Variants in TAF1L observed in about 807,000 individuals in gnomAD.
The protein encoded by TAF1L is transcription initiation factor TFIID subunit 1-like.
A neutral mutation model predicts 128.8 loss-of-function variants in TAF1L; 30 were observed. The ratio of observed to expected loss-of-function variants is 0.23; its 90% confidence interval spans 0.17 to 0.32. The LOEUF (loss-of-function observed/expected upper bound fraction) is 0.32, where lower values mean the gene tolerates loss of function less well. Among genes scored for constraint, TAF1L ranks in the 10% least tolerant of loss-of-function variants. TAF1L has a pLI of 1.00. For synonymous variants in TAF1L, 764 were observed against 790.7 expected, an observed-to-expected ratio of 0.97 and a Z score of 0.57; for missense variants, 2,099 against 2,253.7, an observed-to-expected ratio of 0.93 and a Z score of 1.39.
Position 32,632,949 on chromosome 9 carries a change from A to G in TAF1L, c.2631T>C (p.Asp877=), listed in dbSNP as rs761229581. The part of the protein sequence containing the change: ...LCADFKRTGM[D]SNWWVLKSDF... ...CAGACTTAAGCACCCACCAGTTTGAATCCATCCCTGTGCGTTTGAAGTCAG... is the reference window on the plus strand; with the variant it reads ...CAGACTTAAGCACCCACCAGTTTGAGTCCATCCCTGTGCGTTTGAAGTCAG... The change falls in exon 1 of 1, where the codon GAT becomes GAC. Residue 877 remains aspartate, a synonymous_variant. Transcript: ENST00000242310. The surrounding 1 kb of genome is among the most constrained non-coding windows in gnomAD (Gnocchi z 4.4). 1 of 1,614,116 alleles carries G rather than the reference A, an allele frequency of 6.2e-7. No individual in the cohort carries two copies. The highest frequency in any genetic ancestry group is 1.1e-5 in the South Asian group (1 of 91,078).
rs1822513638 is a variant in TAF1L at position 32,631,285 on chromosome 9, A to T, written c.4295T>A (p.Val1432Asp). ...HPFHTPVNAK[V>D]VKDYYKIITR... is the part of the protein sequence containing the mutation. ...GATGATTTTGTAGTAGTCCTTTACA[A>T]CCTTTGCATTGACTGGAGTGTGGAA... The change falls in exon 1 of 1, where the codon GTT becomes GAT. Residue 1432 changes from valine (V) to aspartate (D), a missense_variant. Val to Asp is a radical substitution (Grantham distance 152). This residue lies in a region of TAF1L where 1,213 missense variants were observed against 1,391.4 expected (regional missense o/e 0.87). Transcript: ENST00000242310. The surrounding 1 kb of genome is among the most constrained non-coding windows in gnomAD (Gnocchi z 4.1). 8 of 1,614,110 alleles carry T rather than the reference A, an allele frequency of 5.0e-6. No individual in the cohort carries two copies. In the East Asian group the frequency reaches 1.8e-4, roughly 36 times the overall value.
chr9:32,630,370 G>C lies in TAF1L; in HGVS notation c.5210C>G (p.Pro1737Arg). The C allele has an allele frequency of 1.9e-6, 3 of 1,614,156 alleles. No individual in the cohort carries two copies. Among genetic ancestry groups the C allele is most frequent in the Non-Finnish European group, 2.5e-6 (3 of 1,180,036 alleles). ...EEDGKPKPPA[P>R]EGGDGDLADE... ...TGCAAGATCACCATCTCCCCCTTCTGGGGCTGGAGGCTTAGGTTTCCCATC... is the reference window on the plus strand; with the variant it reads ...TGCAAGATCACCATCTCCCCCTTCTCGGGCTGGAGGCTTAGGTTTCCCATC... The change falls in exon 1 of 1, where the codon CCA (proline) becomes CGA (arginine). Residue 1737 changes from proline to arginine, a missense_variant. Transcript: ENST00000242310.
chr9:32,633,109 T>C lies in TAF1L; in HGVS notation c.2471A>G (p.Asp824Gly), dbSNP rs2119086615. 3 of 1,614,172 alleles carry C rather than the reference T, an allele frequency of 1.9e-6. No homozygotes were observed. Among genetic ancestry groups the C allele is most frequent in the East Asian group, 2.2e-5 (1 of 44,888 alleles). Residue 824 changes from aspartate (D) to glycine (G), a missense_variant, in exon 1 of 1, where the codon GAC becomes GGC. Around this residue, in one of 4 missense-constraint regions of TAF1L, gnomAD observed 1,213 missense variants for 1,391.4 expected, o/e 0.87. Coordinates refer to ENST00000242310, the MANE Select transcript of TAF1L (RefSeq NM_153809.2). ...GCGGTAAATAAAAACCTGTAGAAAG[T>C]CTCGAATATGCATATTGGCCCTTCT... The part of the protein sequence containing the change: ...NSRRANMHIR[D>G]FLQVFIYRLF...
rs773463685 is a variant in TAF1L, at chr9:32,635,534, T to C, written c.46A>G (p.Thr16Ala). Reference sequence around the variant, plus strand: ...TCCGAGTCTGACATGATGGCGGCAGTGACGGTAGCTGCTGCCCTCAGCAGC... The same window carrying C: ...TCCGAGTCTGACATGATGGCGGCAGCGACGGTAGCTGCTGCCCTCAGCAGC... ...DLLLRAAATV[T>A]AAIMSDSDSE... is the part of the protein sequence containing the mutation. The change falls in exon 1 of 1, where the codon ACT (threonine) becomes GCT (alanine). Residue 16 changes from threonine to alanine, a missense_variant. Thr to Ala is a moderately conservative substitution (Grantham distance 58). Around this residue, in one of 4 missense-constraint regions of TAF1L, gnomAD observed 473 missense variants for 429.6 expected, o/e 1.10. Coordinates refer to ENST00000242310, the MANE Select transcript of TAF1L (RefSeq NM_153809.2). The C allele has an allele frequency of 1.2e-5, 19 of 1,613,980 alleles. No individual in the cohort carries two copies. The highest frequency in any genetic ancestry group is 1.4e-5 in the Non-Finnish European group (16 of 1,180,006).
In TAF1L at chr9:32,631,629, C is replaced by CTCT; in HGVS notation, c.3948_3950dup (p.Glu1317dup). 1 of 1,614,200 alleles carries CTCT rather than the reference C, an allele frequency of 6.2e-7. No homozygotes were observed. The highest frequency in any genetic ancestry group is 8.5e-7 in the Non-Finnish European group (1 of 1,180,032). On this transcript the variant is annotated inframe_insertion, in exon 1 of 1. Coordinates refer to ENST00000242310, the MANE Select transcript of TAF1L (RefSeq NM_153809.2). The surrounding 1 kb of genome is among the most constrained non-coding windows in gnomAD (Gnocchi z 4.1). ...CTGTCTTTTCCAACTCCTCCTCCTGCTCTTCTGTCATGGCAACAGGTTTCG... is the reference window on the plus strand; with the variant it reads ...CTGTCTTTTCCAACTCCTCCTCCTGCTCTTCTTCTGTCATGGCAACAGGTTTCG...
chr9:32,632,339 A>G lies in TAF1L; in HGVS notation c.3241T>C (p.Tyr1081His). 6.2e-7 allele frequency: 1 copy of G among 1,614,214 alleles called. No homozygotes were observed. Among genetic ancestry groups the G allele is most frequent in the South Asian group, 1.1e-5 (1 of 91,086 alleles). The part of the protein sequence containing the change: ...RFSVAEHQER[Y>H]KEECQRIFDL... ...AAGATACGCTGACATTCCTCTTTGT[A>G]ACGCTCTTGATGCTCAGCCACAGAA... is the stretch of plus-strand genomic sequence containing the variant. The change falls in exon 1 of 1, where the codon TAC becomes CAC. Residue 1081 changes from tyrosine (Y) to histidine (H), a missense_variant. By Grantham distance (83) the Tyr-to-His change is moderately conservative (BLOSUM62 2). Around this residue, in one of 4 missense-constraint regions of TAF1L, gnomAD observed 1,213 missense variants for 1,391.4 expected, o/e 0.87. Transcript: ENST00000242310. This position sits in a 1 kb window ranked among gnomAD's most constrained non-coding sequence, Gnocchi z 4.4.
rs959223349 is a variant in TAF1L at position 32,631,561 on chromosome 9, G to A, written c.4019C>T (p.Thr1340Ile). The A allele has an allele frequency of 1.9e-6, 3 of 1,614,090 alleles. No homozygotes were observed. Among genetic ancestry groups the A allele is most frequent in the Non-Finnish European group, 1.7e-6 (2 of 1,180,022 alleles). Residue 1340 changes from threonine (T) to isoleucine (I), a missense_variant, in exon 1 of 1, where the codon ACC becomes ATC. Physicochemically the swap from Thr to Ile is moderately conservative, Grantham distance 89. Coordinates refer to ENST00000242310, the MANE Select transcript of TAF1L (RefSeq NM_153809.2). This position sits in a 1 kb window ranked among gnomAD's most constrained non-coding sequence, Gnocchi z 4.1. ...TAGCTGTTTCCCGAAGACAATTTTGGTCCCTTCAACCTTGATAAGTTCTTC... is the reference window on the plus strand; with the variant it reads ...TAGCTGTTTCCCGAAGACAATTTTGATCCCTTCAACCTTGATAAGTTCTTC... ...DNEELIKVEG[T>I]KIVFGKQLIE...
Position 32,629,878 on chromosome 9 carries a change from C to T in TAF1L, c.*221G>A, listed in dbSNP as rs148667770. 1.8e-5 allele frequency: 15 copies of T among 830,048 alleles called. No homozygotes were observed. Among genetic ancestry groups the T allele is most frequent in the African/African-American group, 5.2e-5 (3 of 57,730 alleles). 51.4% of individuals were successfully genotyped at this position (830,048 alleles called of 1,614,324 possible). A position where few individuals can be genotyped will look rare whatever the true frequency, so the allele number is the denominator to read the frequency against. On this transcript the variant is annotated 3_prime_UTR_variant, in exon 1 of 1. Coordinates refer to ENST00000242310, the MANE Select transcript of TAF1L (RefSeq NM_153809.2). ...TTCGACATGTTGGCCAAGCTGGTCTCGAACTGACCTCAGGTGATCCACCCG... is the reference window on the plus strand; with the variant it reads ...TTCGACATGTTGGCCAAGCTGGTCTTGAACTGACCTCAGGTGATCCACCCG...
In TAF1L at chr9:32,630,760, T is replaced by C. The variant is rs753410183; in HGVS notation, c.4820A>G (p.Gln1607Arg). The C allele has an allele frequency of 1.9e-5, 30 of 1,614,128 alleles. No homozygotes were observed. The highest frequency in any genetic ancestry group is 2.5e-5 in the Non-Finnish European group (29 of 1,180,042). The change falls in exon 1 of 1, where the codon CAG becomes CGG. Residue 1607 changes from glutamine (Q) to arginine (R), a missense_variant. Physicochemically the swap from Gln to Arg is conservative, Grantham distance 43. Coordinates refer to ENST00000242310, the MANE Select transcript of TAF1L (RefSeq NM_153809.2). ...NSVKYNGPES[Q>R]YTKTAQEIVN... ...AATCTCCTGAGCAGTCTTAGTGTAC[T>C]GACTCTCAGGTCCATTATACTTAAC...
rs1373553253 is a variant in TAF1L, at chr9:32,634,885, G to A, written c.695C>T (p.Ala232Val). 1.2e-6 allele frequency: 2 copies of A among 1,614,042 alleles called. No homozygotes were observed. The highest frequency in any genetic ancestry group is 1.7e-6 in the Non-Finnish European group (2 of 1,180,032). Residue 232 changes from alanine (A) to valine (V), a missense_variant, in exon 1 of 1, where the codon GCT (alanine) becomes GTT (valine). Around this residue, in one of 4 missense-constraint regions of TAF1L, gnomAD observed 473 missense variants for 429.6 expected, o/e 1.10. Transcript: ENST00000242310. Reference sequence around the variant, plus strand: ...GGTGGCATCATGCTGCATAATCCCAGCCAATGGAAGGGTCAGCTTTCCATC... The same window carrying A: ...GGTGGCATCATGCTGCATAATCCCAACCAATGGAAGGGTCAGCTTTCCATC... Reference protein sequence around the residue: ...SEDGKLTLPLAGIMQHDATKL... With the variant: ...SEDGKLTLPLVGIMQHDATKL...
In TAF1L at chr9:32,630,181, A is replaced by T; in HGVS notation, c.5399T>A (p.Val1800Glu). ...QLSESGSDSDVGYGGIRPKQP... is the reference protein window; with the variant it reads ...QLSESGSDSDEGYGGIRPKQP... The stretch of plus-strand genomic sequence containing the variant: ...TTTGGGTCTTATTCCACCATATCCC[A>T]CATCAGAGTCACTTCCACTTTCACT... Residue 1800 changes from valine to glutamate, a missense_variant, in exon 1 of 1, where the codon GTG becomes GAG. Transcript: ENST00000242310. 1 of 1,614,188 alleles carries T rather than the reference A, an allele frequency of 6.2e-7. No homozygotes were observed. Among genetic ancestry groups the T allele is most frequent in the Non-Finnish European group, 8.5e-7 (1 of 1,180,038 alleles).
At position 32,633,758 on chromosome 9, in the gene TAF1L, T is replaced by C. The variant is rs1330782960; in HGVS notation, c.1822A>G (p.Ile608Val). The change falls in exon 1 of 1, where the codon ATC becomes GTC. Residue 608 changes from isoleucine (I) to valine (V), a missense_variant. Transcript: ENST00000242310. ...TCCATAGCAGGAATTGAATGCTGGA[T>C]AATATTCCCTCCAAAGGTGCCCCGA... Reference protein sequence around the residue: ...GLRGTFGGNIIQHSIPAMELW... With the variant: ...GLRGTFGGNIVQHSIPAMELW... 2.5e-6 allele frequency: 4 copies of C among 1,614,192 alleles called. No individual in the cohort carries two copies.
Position 32,634,218 on chromosome 9 carries a change from G to A in TAF1L, c.1362C>T (p.Gly454=). The change falls in exon 1 of 1, where the codon GGC becomes GGT. Residue 454 remains glycine, a synonymous_variant. Coordinates refer to ENST00000242310, the MANE Select transcript of TAF1L (RefSeq NM_153809.2). ...TCCTAGTCTTAATAGAAGGAAGCCAGCCTGCCAGGCTTGCACCCTGAGGTT... is the reference window on the plus strand; with the variant it reads ...TCCTAGTCTTAATAGAAGGAAGCCAACCTGCCAGGCTTGCACCCTGAGGTT... ...GTKPQGASLA[G]WLPSIKTRNV... is the part of the protein sequence containing the mutation. The A allele has an allele frequency of 1.2e-6, 2 of 1,614,196 alleles. No homozygotes were observed. Among genetic ancestry groups the A allele is most frequent in the Non-Finnish European group, 1.7e-6 (2 of 1,180,042 alleles).
Position 32,632,833 on chromosome 9 carries a change from C to A in TAF1L, c.2747G>T (p.Arg916Leu). The A allele has an allele frequency of 6.2e-7, 1 of 1,614,202 alleles. No homozygotes were observed. Among genetic ancestry groups the A allele is most frequent in the Non-Finnish European group, 8.5e-7 (1 of 1,180,040 alleles). ...CTCACCATAGCCAGCATCCTTCAGT[C>A]GTTGCTTTGCAGCTATCATGCTATA... ...AYYSMIAAKQRLKDAGYGEKS... is the reference protein window; with the variant it reads ...AYYSMIAAKQLLKDAGYGEKS... The change falls in exon 1 of 1, where the codon CGA (arginine) becomes CTA (leucine). Residue 916 changes from arginine to leucine, a missense_variant. By Grantham distance (102) the Arg-to-Leu change is moderately radical. Transcript: ENST00000242310. The surrounding 1 kb of genome is among the most constrained non-coding windows in gnomAD (Gnocchi z 4.4).
rs1482073318 is a variant in TAF1L at position 32,633,363 on chromosome 9, C to T, written c.2217G>A (p.Gly739=). 3 of 1,614,058 alleles carry T rather than the reference C, an allele frequency of 1.9e-6. No homozygotes were observed. Among genetic ancestry groups the T allele is most frequent in the Non-Finnish European group, 2.5e-6 (3 of 1,180,052 alleles). The stretch of plus-strand genomic sequence containing the variant: ...GAGATGTATGGCAGTAAACAGTTTC[C>T]CCATATTTACAATCTGGTGCTCCAG... ...KDPGAPDCKY[G]ETVYCHTSPF... The change falls in exon 1 of 1, where the codon GGG becomes GGA. Residue 739 remains glycine, a synonymous_variant. Transcript: ENST00000242310.
Position 32,633,529 on chromosome 9 carries a change from A to G in TAF1L, c.2051T>C (p.Met684Thr). Residue 684 changes from methionine to threonine, a missense_variant, in exon 1 of 1, where the codon ATG becomes ACG. Coordinates refer to ENST00000242310, the MANE Select transcript of TAF1L (RefSeq NM_153809.2). ...GCCTGTGAGATCCTGAGGTGTGCGC[A>G]TAAAAAACAACTCTCCACCACCTGA... is the stretch of plus-strand genomic sequence containing the variant. ...QASGGGELFF[M>T]RTPQDLTGKD... 2 of 1,614,240 alleles carry G rather than the reference A, an allele frequency of 1.2e-6. No individual in the cohort carries two copies. The highest frequency in any genetic ancestry group is 1.1e-5 in the South Asian group (1 of 91,088).
In TAF1L at chr9:32,635,529, G is replaced by T. The variant is rs778943595; in HGVS notation, c.51C>A (p.Ala17=). 2.4e-5 allele frequency: 38 copies of T among 1,614,064 alleles called. No homozygotes were observed. The highest frequency in any genetic ancestry group is 3.0e-5 in the Non-Finnish European group (35 of 1,180,012). The change falls in exon 1 of 1, where the codon GCC becomes GCA. Residue 17 remains alanine (A), a synonymous_variant. Coordinates refer to ENST00000242310, the MANE Select transcript of TAF1L (RefSeq NM_153809.2). The part of the protein sequence containing the change: ...LLLRAAATVT[A]AIMSDSDSEE... ...CGCTGTCCGAGTCTGACATGATGGC[G>T]GCAGTGACGGTAGCTGCTGCCCTCA...
Position 32,635,022 on chromosome 9 carries a change from C to G in TAF1L, c.558G>C (p.Leu186Phe). Reference protein sequence around the residue: ...CVSESGEDIILPSIIAPSFLA... With the variant: ...CVSESGEDIIFPSIIAPSFLA... ...AAAAGGAAGGGGCAATGATGGAGGGCAAGATGATGTCTTCTCCACTTTCAG... is the reference window on the plus strand; with the variant it reads ...AAAAGGAAGGGGCAATGATGGAGGGGAAGATGATGTCTTCTCCACTTTCAG... Residue 186 changes from leucine (L) to phenylalanine (F), a missense_variant, in exon 1 of 1, where the codon TTG becomes TTC. Transcript: ENST00000242310. The G allele has an allele frequency of 6.2e-7, 1 of 1,614,120 alleles. No individual in the cohort carries two copies.
rs1235513614 is a variant in TAF1L at position 32,631,007 on chromosome 9, C to A, written c.4573G>T (p.Ala1525Ser). Reference protein sequence around the residue: ...NPLLDDDDQVAFSFILDNIVT... With the variant: ...NPLLDDDDQVSFSFILDNIVT... The stretch of plus-strand genomic sequence containing the variant: ...ATGTTGTCCAGAATGAAAGAAAATG[C>A]CACTTGGTCATCATCATCCAGCAAG... Residue 1525 changes from alanine (A) to serine (S), a missense_variant, in exon 1 of 1, where the codon GCA becomes TCA. Ala to Ser is a moderately conservative substitution (Grantham distance 99). Coordinates refer to ENST00000242310, the MANE Select transcript of TAF1L (RefSeq NM_153809.2). The surrounding 1 kb of genome is among the most constrained non-coding windows in gnomAD (Gnocchi z 4.1). The A allele has an allele frequency of 6.2e-7, 1 of 1,614,150 alleles. No homozygotes were observed. The highest frequency in any genetic ancestry group is 1.7e-5 in the Admixed American group (1 of 60,018).
Sources: gnomAD v4.1 joint callset for allele counts on GRCh38, gnomAD v4.1.1 for gene constraint, gnomAD v4.1.1 regional missense constraint, Gnocchi (gnomAD v3.1) non-coding constraint, MANE v1.5 for transcripts, NCBI Gene and HGNC (gene_info 2026-07-23, HGNC 2026-07-21) for gene names.